The following HDAC9 variants were observed in gnomAD, a reference collection of about 807,000 sequenced individuals.
The protein encoded by HDAC9 is MEF-2 interacting transcription repressor (MITR) protein.
A neutral mutation model predicts 139.4 loss-of-function variants in HDAC9; 41 were observed. The ratio of observed to expected loss-of-function variants is 0.29; its 90% CI spans 0.23 to 0.38. The LOEUF (loss-of-function observed/expected upper bound fraction) is 0.38, where lower values mean the gene tolerates loss of function less well. HDAC9 is among the 10% of genes least tolerant of loss of function. HDAC9 has a pLI of 1.00. For missense variants in HDAC9, 1,147 were observed against 1,297.0 expected (o/e 0.88, Z 1.78); for synonymous variants, 517 against 476.2 (o/e 1.09, Z -1.12).
chr7:18,982,135 A>T (rs749369339), intron 25 of HDAC9, among the ~76,000 whole-genome samples: 1 of 152,136 alleles, frequency 6.6e-6, no homozygotes, highest in Admixed American at 6.6e-5. Flanking sequence ...CAATAACTTG[A>T]GACAATATAT....
chr7:18,509,670 A>G (rs1329218195), intron 2 of HDAC9, among the ~76,000 whole-genome samples: 1 of 152,190 alleles, frequency 6.6e-6, no homozygotes, highest in Non-Finnish European at 1.5e-5. Flanking sequence ...AGCCCAATGC[A>G]AATGTTACCT....
At chr7:18,743,289 A>G (rs1787621424) in intron 13 of HDAC9, among the ~76,000 whole-genome samples, 2 of 152,258 alleles carry the variant, frequency 1.3e-5, no homozygotes, top group East Asian at 3.9e-4. Context: ...TTATGTTGGG[A>G]ATTTCTTCTA....
chr7:18,630,424 A>G (rs550983060), intron 7 of HDAC9, among the ~76,000 whole-genome samples: 1 of 152,184 alleles, frequency 6.6e-6, no homozygotes, highest in African/African-American at 2.4e-5. Flanking sequence ...TCTTTTGGCC[A>G]TGACAGTGTC....
chr7:18,593,787 A>C, intron 5 of HDAC9, 121 bp from the exon 6 acceptor site: 1 of 1,009,620 alleles, frequency 9.9e-7, no homozygotes, highest in Non-Finnish European at 1.5e-6. Context: ...GTTTGTATAC[A>C]CTAAGGAGAA....
intron 23 of HDAC9, among the ~76,000 whole-genome samples, chr7:18,940,290 A>G (rs1450195610): frequency 6.6e-6 from 1 of 152,184 alleles, no homozygotes; most frequent in East Asian, 1.9e-4. Context: ...TGATCTACTT[A>G]GCAAAACATC....
intron 25 of HDAC9, among the ~76,000 whole-genome samples, chr7:18,979,435 A>G (rs1019331728): frequency 6.6e-6 from 1 of 152,200 alleles, no homozygotes; most frequent in Non-Finnish European, 1.5e-5. Flanking sequence ...CTAGAAGCTA[A>G]ATGTTGCACA....
At chr7:18,481,542 A>G (rs1234512004) in intron 1 of HDAC9, among the ~76,000 whole-genome samples, 1 of 152,202 alleles carries the variant, frequency 6.6e-6, no homozygotes, top group East Asian at 1.9e-4. Context: ...GGTTCTGTTT[A>G]CTTTGAGTAC....
chr7:18,372,811 G>A (rs187854687), intron 1 of HDAC9, among the ~76,000 whole-genome samples: 4 of 152,286 alleles, frequency 2.6e-5, no homozygotes, highest in East Asian at 3.9e-4. Flanking sequence ...CCATGGTAGT[G>A]ACTGGCTGTT....
intron 2 of HDAC9, among the ~76,000 whole-genome samples, chr7:18,548,597 T>A (rs946548037): frequency 6.6e-6 from 1 of 152,150 alleles, no homozygotes; most frequent in Non-Finnish European, 1.5e-5. Context: ...ACCTTCACTA[T>A]GTAAAAAAAG....
intron 17 of HDAC9, among the ~76,000 whole-genome samples, chr7:18,800,661 T>G (rs142019317): frequency 1.3e-5 from 2 of 152,146 alleles, no homozygotes; most frequent in African/African-American, 4.8e-5. Flanking sequence ...GGCAAAACCC[T>G]GTCTCTACAA....
At chr7:18,463,072 C>G (rs1031873476) in intron 1 of HDAC9, among the ~76,000 whole-genome samples, 1 of 151,872 alleles carries the variant, frequency 6.6e-6, no homozygotes, top group Non-Finnish European at 1.5e-5. Context: ...TATATAGTTT[C>G]AGTTTTAATT....
At chr7:18,110,662 A>T (rs775418088) in intron 1 of HDAC9, among the ~76,000 whole-genome samples, 61 of 152,150 alleles carry the variant, frequency 4.0e-4, no homozygotes, top group Non-Finnish European at 8.8e-4. Context: ...AGCACACCTG[A>T]TAGATTATTA....
chr7:18,620,049 T>C (rs567365617), intron 6 of HDAC9, among the ~76,000 whole-genome samples: 2 of 152,306 alleles, frequency 1.3e-5, no homozygotes, highest in South Asian at 2.1e-4. Flanking sequence ...CTGTCTTTTC[T>C]CTGGGGGAGT....
intron 21 of HDAC9, among the ~76,000 whole-genome samples, chr7:18,870,240 A>C (rs1585191459): frequency 6.6e-6 from 1 of 152,166 alleles, no homozygotes; most frequent in African/African-American, 2.4e-5. Context: ...TCTGTCCCAG[A>C]ATCCAATCCA....
intron 17 of HDAC9, among the ~76,000 whole-genome samples, chr7:18,813,805 A>C (rs1158324174): frequency 6.6e-6 from 1 of 152,148 alleles, no homozygotes; most frequent in African/African-American, 2.4e-5. Context: ...ACACTTAAAA[A>C]CTTTGGGTGA....
chr7:18,728,192 C>T (rs1241355837), intron 13 of HDAC9, among the ~76,000 whole-genome samples: 1 of 152,070 alleles, frequency 6.6e-6, no homozygotes, highest in Non-Finnish European at 1.5e-5. Context: ...TCTGGTTCCC[C>T]ATGCAAATGA....
intron 2 of HDAC9, among the ~76,000 whole-genome samples, chr7:18,239,850 T>C (rs1794071486): frequency 6.6e-6 from 1 of 152,004 alleles, no homozygotes; most frequent in Non-Finnish European, 1.5e-5. Context: ...CCAAGGTAAG[T>C]AGGCAAATAA....
At chr7:18,417,837 T>C (rs1344731866) in intron 1 of HDAC9, among the ~76,000 whole-genome samples, 1 of 152,184 alleles carries the variant, frequency 6.6e-6, no homozygotes, top group Non-Finnish European at 1.5e-5. Context: ...ATTTGCACTC[T>C]GCTGAATAGT....
At chr7:18,632,083 A>T (rs1232823985) in intron 7 of HDAC9, among the ~76,000 whole-genome samples, 1 of 151,982 alleles carries the variant, frequency 6.6e-6, no homozygotes, top group South Asian at 2.1e-4. Context: ...TATGGAAATG[A>T]GACATTAATG....
Sources: allele counts gnomAD v4.1 joint callset (sites outside exome capture counted in the v4.1 genomes callset), GRCh38; gene constraint gnomAD v4.1.1; transcripts MANE v1.5; gene names NCBI Gene and HGNC (gene_info 2026-07-23, HGNC 2026-07-21).